The following NDRG2 variants were observed in gnomAD, a reference collection of about 807,000 sequenced individuals.
The protein encoded by NDRG2 is protein NDRG2.
NDRG2 carries 34 observed loss-of-function variants against 58.2 expected under a neutral mutation model. The ratio of observed to expected loss-of-function variants is 0.58; its 90% CI spans 0.44 to 0.78. NDRG2 has a LOEUF of 0.78. Among genes scored for constraint, NDRG2 ranks in the 30% least tolerant of loss-of-function variants. The probability of loss-of-function intolerance (pLI) is 0.00; values close to 1 mark genes in which losing one functional copy is unlikely to be tolerated. For missense variants in NDRG2, 434 were observed against 471.2 expected (o/e 0.92, Z 0.73); for synonymous variants, 187 against 175.9 (o/e 1.06, Z -0.50).
In NDRG2 at chr14:21,057,906, G is replaced by C. The variant is rs1471632830; in HGVS notation, c.24+12922C>G. On this transcript the variant is annotated intron_variant, in intron 1 of 14. Coordinates refer to the NDRG2 transcript ENST00000403829. ...CCCTTAAGAGAGATGGCACCGGCCA[G>C]AGCAGGATGCTGCCCCCTGCTGCTG... The C allele has an allele frequency of 2.5e-6, 4 of 1,613,856 alleles. No homozygotes were observed. The highest frequency in any genetic ancestry group is 2.2e-5 in the East Asian group (1 of 44,848).
intron 10 of NDRG2, 114 bp from the exon 11 acceptor site, chr14:21,019,274 G>A (rs776403646): frequency 9.5e-7 from 1 of 1,056,974 alleles, no homozygotes; most frequent in Non-Finnish European, 1.4e-6. Flanking sequence ...GTCAAATCTT[G>A]GTTATTAAAG....
Position 21,070,380 on chromosome 14 carries a change from C to T in NDRG2, c.24+448G>A, listed in dbSNP as rs1275304772. 2 of 1,405,640 alleles carry T rather than the reference C, an allele frequency of 1.4e-6. No homozygotes were observed. Among genetic ancestry groups the T allele is most frequent in the Non-Finnish European group, 1.8e-6 (2 of 1,088,602 alleles). 87.1% of individuals were successfully genotyped at this position (1,405,640 alleles called of 1,614,324 possible). A position where few individuals can be genotyped will look rare whatever the true frequency, so the allele number is the denominator to read the frequency against. On this transcript the variant is annotated intron_variant, in intron 1 of 14. Transcript: ENST00000403829. The surrounding 1 kb of genome is among the most constrained non-coding windows in gnomAD (Gnocchi z 4.7). ...CGCCCGCCCGACCAAGCGTCGGACG[C>T]GGCCCGGCGCCGAGCCATGGTGAGT... is the stretch of plus-strand genomic sequence containing the variant.
intron 8 of NDRG2, chr14:21,020,293 C>CAAAAAAAAAAAAAAA: frequency 2.6e-6 from 1 of 388,712 alleles, no homozygotes; most frequent in Non-Finnish European, 4.5e-6. Flanking sequence ...GACACCATCT[C>CAAAAAAAAAAAAAAA]AAAAAAAAAA....
chr14:21,023,192 G>T (rs1881731997), intron 2 of NDRG2, 49 bp downstream of exon 2: 2 of 1,502,464 alleles, frequency 1.3e-6, no homozygotes, highest in African/African-American at 1.4e-5. Flanking sequence ...CAAGGGGGAT[G>T]CTTAGAGGTC....
chr14:21,043,319 T>G (rs769882158), intron 1 of NDRG2: 1 of 1,614,144 alleles, frequency 6.2e-7, no homozygotes, highest in Non-Finnish European at 8.5e-7. Flanking sequence ...TGACCATGTG[T>G]AAGCTCACCT....
rs867727938 is a variant in NDRG2, at chr14:21,025,024, C to G, written c.-1001G>C. 1.4e-5 allele frequency: 14 copies of G among 985,986 alleles called. No individual in the cohort carries two copies. In the South Asian group the frequency reaches 2.3e-4, roughly 17 times the overall value. The allele number at this position is 985,986 out of a possible 1,614,324, so 61.1% of individuals were successfully genotyped here. The stretch of plus-strand genomic sequence containing the variant: ...CTACGGCCCCTCGCCTGCCCCTCCC[C>G]CTACCTGCTGCCGCCGCGGCCGCTT... On this transcript the variant is annotated 5_prime_UTR_variant, in exon 1 of 16. Coordinates refer to ENST00000556147, the MANE Select transcript of NDRG2 (RefSeq NM_001320329.2). The surrounding 1 kb of genome is among the most constrained non-coding windows in gnomAD (Gnocchi z 5.1).
chr14:21,041,471 A>G (rs1279331466), intron 1 of NDRG2, among the ~76,000 whole-genome samples: 2 of 151,922 alleles, frequency 1.3e-5, no homozygotes, highest in African/African-American at 4.8e-5. Context: ...AGGCCTTCTC[A>G]CCCACAGAGG....
intron 1 of NDRG2, chr14:21,023,750 G>T: frequency 1.2e-5 from 2 of 168,472 alleles, no homozygotes; most frequent in South Asian, 1.7e-4. Context: ...AGACGGGACT[G>T]TGAGAGTTCA....
rs961921209 is a variant in NDRG2, at chr14:21,017,257, G to A, written c.*339C>T. The A allele has an allele frequency of 3.3e-5, 13 of 391,414 alleles. No homozygotes were observed. In the East Asian group the frequency reaches 7.3e-4, roughly 22 times the overall value. 24.2% of individuals were successfully genotyped at this position (391,414 alleles called of 1,614,324 possible). A position where few individuals can be genotyped will look rare whatever the true frequency, so the allele number is the denominator to read the frequency against. ...GGACAAGTAGGGAGAGTCTGATGGA[G>A]GCACCAGGACAACTACAACAACCTC... On this transcript the variant is annotated 3_prime_UTR_variant, in exon 16 of 16. Coordinates refer to ENST00000556147, the MANE Select transcript of NDRG2 (RefSeq NM_001320329.2).
intron 1 of NDRG2, among the ~76,000 whole-genome samples, chr14:21,048,947 T>C (rs1354639048): frequency 1.3e-5 from 2 of 152,216 alleles, no homozygotes; most frequent in African/African-American, 4.8e-5. Context: ...TTGGGAGGAA[T>C]GGATGGGTAC....
chr14:21,050,597 T>A (rs968206863), intron 1 of NDRG2, among the ~76,000 whole-genome samples: 1 of 152,224 alleles, frequency 6.6e-6, no homozygotes, highest in Non-Finnish European at 1.5e-5. Context: ...CTAAAACACC[T>A]AAAGTAGTGC....
At chr14:21,063,079 G>A (rs1886054587) in intron 1 of NDRG2, among the ~76,000 whole-genome samples, 2 of 151,996 alleles carry the variant, frequency 1.3e-5, no homozygotes, top group Admixed American at 1.3e-4. Context: ...GCAGTCAGCT[G>A]AGATTTCACC....
At chr14:21,048,960 T>A (rs1176458707) in intron 1 of NDRG2, among the ~76,000 whole-genome samples, 2 of 152,224 alleles carry the variant, frequency 1.3e-5, no homozygotes, top group East Asian at 3.8e-4. Flanking sequence ...ATGGGTACTT[T>A]GAGTTGAAGG....
At chr14:21,026,881 C>CTT (rs1883703895), upstream of NDRG2, among the ~76,000 whole-genome samples, 1 of 152,142 alleles carries the variant, frequency 6.6e-6, no homozygotes, top group Non-Finnish European at 1.5e-5. Context: ...GGGTCACAGC[C>CTT]AAAGGTGCGC....
At chr14:21,059,038 C>T (rs1885815160) in intron 1 of NDRG2, among the ~76,000 whole-genome samples, 1 of 152,220 alleles carries the variant, frequency 6.6e-6, no homozygotes, top group Non-Finnish European at 1.5e-5. Context: ...GTCCTCCAGC[C>T]CCTTGAGGGC....
At chr14:21,035,665 G>A (rs763890748) in intron 1 of NDRG2, 34 of 421,272 alleles carry the variant, frequency 8.1e-5, no homozygotes, top group Admixed American at 5.0e-5. Flanking sequence ...GAGTAAGGCC[G>A]CAGAGAGAAA....
At chr14:21,028,881 G>A (rs1413906049), upstream of NDRG2, 1 of 152,200 alleles carries the variant, frequency 6.6e-6, no homozygotes, top group African/African-American at 2.4e-5. Context: ...AAAATAGAAA[G>A]TGGTGGCATT....
Position 21,017,397 on chromosome 14 carries a change from T to G in NDRG2, c.*199A>C. On this transcript the variant is annotated 3_prime_UTR_variant, in exon 16 of 16. Transcript: ENST00000556147. ...AGGGGTCTGGGTCCCTAAGAGATAT[T>G]AGGACATCTCTTCCAGGAGCTGGGG... 1 of 648,314 alleles carries G rather than the reference T, an allele frequency of 1.5e-6. No homozygotes were observed. The highest frequency in any genetic ancestry group is 2.6e-6 in the Non-Finnish European group (1 of 380,200). The allele number at this position is 648,314 out of a possible 1,614,324, so 40.2% of individuals were successfully genotyped here.
upstream of NDRG2, chr14:21,025,595 G>T: frequency 1.0e-6 from 1 of 985,628 alleles, no homozygotes; most frequent in Non-Finnish European, 1.2e-6. The surrounding 1 kb of genome is among the most constrained non-coding windows in gnomAD (Gnocchi z 5.1). Flanking sequence ...GGCAGGGGCA[G>T]GTGTGCTGGC....
Sources: gnomAD v4.1 joint callset for allele counts (sites outside exome capture counted in the v4.1 genomes callset) on GRCh38, gnomAD v4.1.1 for gene constraint, Gnocchi (gnomAD v3.1) non-coding constraint, MANE v1.5 for transcripts, NCBI Gene and HGNC (gene_info 2026-07-23, HGNC 2026-07-21) for gene names.